The following AGAP1 variants were observed in gnomAD, a reference collection of about 807,000 sequenced individuals.
AGAP1 encodes ArfGAP with GTPase domain, ankyrin repeat and PH domain 1, also known as arf-GAP with GTPase, ANK repeat and PH domain-containing protein 1.
In AGAP1, 29 loss-of-function variants were observed where a neutral mutation model predicts 105.3. The ratio of observed to expected loss-of-function variants is 0.28; its 90% CI spans 0.21 to 0.38. The LOEUF is 0.38. Among genes scored for constraint, AGAP1 ranks in the 10% least tolerant of loss-of-function variants. The probability of loss-of-function intolerance (pLI) is 1.00; values close to 1 mark genes in which losing one functional copy is unlikely to be tolerated. For synonymous variants in AGAP1, 509 were observed against 485.9 expected, an observed-to-expected ratio of 1.05 and a Z score of -0.63; for missense variants, 998 against 1,165.1, an observed-to-expected ratio of 0.86 and a Z score of 2.09.
In AGAP1 at chr2:235,801,648, C is replaced by T. The variant is rs935724720; in HGVS notation, c.957+2126C>T. On this transcript the variant is annotated intron_variant, in intron 8 of 17. Transcript: ENST00000304032. The surrounding 1 kb of genome is among the most constrained non-coding windows in gnomAD (Gnocchi z 6.0). ...TGCTAGAACAGGCTGCACAGTGACT[C>T]GGTGGCTTGAGAAACCAATAGCCAA... Among the ~76,000 whole-genome samples the T allele has an allele frequency of 3.3e-5, 5 of 152,230 alleles. No individual in the cohort carries two copies. The highest frequency in any genetic ancestry group is 7.2e-5 in the African/African-American group (3 of 41,538).
rs571673435 is a variant in AGAP1 at position 235,633,377 on chromosome 2, T to A, written c.164-75802T>A. On this transcript the variant is annotated intron_variant, in intron 1 of 17. Coordinates refer to ENST00000304032, the MANE Select transcript of AGAP1 (RefSeq NM_001037131.3). The surrounding 1 kb of genome is among the most constrained non-coding windows in gnomAD (Gnocchi z 4.8). The stretch of plus-strand genomic sequence containing the variant: ...GGGAGGCCAAGGTGGGTGGATCACC[T>A]GAGGTCAGGAGTTCAAGACCAGTCT... Among the ~76,000 whole-genome samples the A allele has an allele frequency of 1.3e-5, 2 of 152,066 alleles. No homozygotes were observed. Among genetic ancestry groups the A allele is most frequent in the Non-Finnish European group, 2.9e-5 (2 of 68,012 alleles).
intron 9 of AGAP1, among the ~76,000 whole-genome samples, chr2:235,829,918 G>T (rs1029618681): frequency 1.3e-5 from 2 of 152,156 alleles, no homozygotes; most frequent in Non-Finnish European, 2.9e-5. Flanking sequence ...GACAGGCAGA[G>T]CTTCAGGAAG....
intron 9 of AGAP1, among the ~76,000 whole-genome samples, chr2:235,836,631 G>A (rs1308660801): frequency 6.6e-6 from 1 of 152,212 alleles, no homozygotes; most frequent in Non-Finnish European, 1.5e-5. Flanking sequence ...ATTTCAAACC[G>A]TGTTGATCTG....
intron 1 of AGAP1, among the ~76,000 whole-genome samples, chr2:235,604,070 G>T (rs1285370704): frequency 1.4e-5 from 2 of 138,274 alleles, no homozygotes; most frequent in African/African-American, 5.8e-5. Flanking sequence ...TAGTTTATTT[G>T]CTCATTTTTT....
chr2:235,916,477 A>ATTAGC (rs778324595), intron 11 of AGAP1, among the ~76,000 whole-genome samples: 4 of 152,258 alleles, frequency 2.6e-5, no homozygotes, highest in Non-Finnish European at 5.9e-5. Flanking sequence ...GCAGAGTTGT[A>ATTAGC]TTAGCTTCCA....
chr2:235,639,234 C>T lies in AGAP1; in HGVS notation c.164-69945C>T, dbSNP rs781722325. Among the ~76,000 whole-genome samples the T allele has an allele frequency of 6.6e-6, 1 of 151,980 alleles. No homozygotes were observed. The highest frequency in any genetic ancestry group is 1.5e-5 in the Non-Finnish European group (1 of 68,010). Reference sequence around the variant, plus strand: ...GCCATGCTGTTGTGAGTCTGTGGTTCCCAGGGAGCAGCTGAGTAGGCTGTT... The same window carrying T: ...GCCATGCTGTTGTGAGTCTGTGGTTTCCAGGGAGCAGCTGAGTAGGCTGTT... On this transcript the variant is annotated intron_variant, in intron 1 of 17. Transcript: ENST00000304032. The surrounding 1 kb of genome is among the most constrained non-coding windows in gnomAD (Gnocchi z 5.3).
chr2:235,934,820 G>A lies in AGAP1; in HGVS notation c.1483+3897G>A, dbSNP rs2052909878. Among the ~76,000 whole-genome samples, 1 of 152,112 alleles carries A rather than the reference G, an allele frequency of 6.6e-6. No individual in the cohort carries two copies. Among genetic ancestry groups the A allele is most frequent in the African/African-American group, 2.4e-5 (1 of 41,406 alleles). ...TACAGACGCCCGTGTTGGCAAGTGT[G>A]CCTTCCCATTGTTGTGCACTCTTAC... On this transcript the variant is annotated intron_variant, in intron 12 of 17. Coordinates refer to ENST00000304032, the MANE Select transcript of AGAP1 (RefSeq NM_001037131.3). This position sits in a 1 kb window ranked among gnomAD's most constrained non-coding sequence, Gnocchi z 4.9.
intron 6 of AGAP1, among the ~76,000 whole-genome samples, chr2:235,761,554 C>T (rs186113375): frequency 3.3e-5 from 5 of 152,180 alleles, no homozygotes; most frequent in South Asian, 2.1e-4. Flanking sequence ...CTTGAATTAG[C>T]GTGATGTATC....
intron 6 of AGAP1, among the ~76,000 whole-genome samples, chr2:235,796,304 A>G (rs1399670483): frequency 6.6e-6 from 1 of 152,250 alleles, no homozygotes; most frequent in African/African-American, 2.4e-5. Flanking sequence ...CTTAGATTTT[A>G]TTTTTGAGTT....
chr2:236,109,424 TA>T lies in AGAP1; in HGVS notation c.2115-10767del, dbSNP rs2059587347. ...TATTCATCTTTGTAATTATTATAAA[TA>T]TTTATAATAATAAATTATAGATAGT... On this transcript the variant is annotated intron_variant, in intron 16 of 17. Transcript: ENST00000304032. The surrounding 1 kb of genome is among the most constrained non-coding windows in gnomAD (Gnocchi z 5.4). Among the ~76,000 whole-genome samples the T allele has an allele frequency of 6.6e-6, 1 of 152,032 alleles. No homozygotes were observed. The highest frequency in any genetic ancestry group is 2.1e-4 in the South Asian group (1 of 4,828).
intron 9 of AGAP1, among the ~76,000 whole-genome samples, chr2:235,821,382 ATTTTTTTTT>A (rs200107062): frequency 3.7e-5 from 5 of 133,818 alleles, no homozygotes; most frequent in African/African-American, 1.4e-4. Context: ...CAGAACTTCA[ATTTTTTTTT>A]TTTTTTTTTT....
Position 235,807,291 on chromosome 2 carries a change from C to T in AGAP1, c.1010C>T (p.Ala337Val), listed in dbSNP as rs1024327166. The change falls in exon 9 of 18, where the codon GCG (alanine) becomes GTG (valine). Residue 337 changes from alanine to valine, a missense_variant. Around this residue, in one of 3 missense-constraint regions of AGAP1, gnomAD observed 735 missense variants for 833.4 expected, o/e 0.88. Transcript: ENST00000304032. ...DKEKKGLESR[A>V]DSIGSGRAIP... is the part of the protein sequence containing the mutation. ...GAGAAGAAAGGCCTGGAGAGTCGTGCGGACAGCATTGGGAGCGGCCGAGCC... is the reference window on the plus strand; with the variant it reads ...GAGAAGAAAGGCCTGGAGAGTCGTGTGGACAGCATTGGGAGCGGCCGAGCC... The T allele has an allele frequency of 3.1e-6, 5 of 1,604,928 alleles. No individual in the cohort carries two copies. The highest frequency in any genetic ancestry group is 1.4e-5 in the African/African-American group (1 of 73,936).
chr2:235,838,021 A>G (rs1408724156), intron 9 of AGAP1, among the ~76,000 whole-genome samples: 1 of 152,168 alleles, frequency 6.6e-6, no homozygotes, highest in Non-Finnish European at 1.5e-5. Context: ...CATCTTTACT[A>G]AAAACACAAA....
At chr2:235,573,105 C>CT (rs537991080) in intron 1 of AGAP1, among the ~76,000 whole-genome samples, 1,117 of 94,936 alleles carry the variant, frequency 0.012, 106 homozygotes, top group African/African-American at 0.032. Context: ...CTTCTTCTTC[C>CT]TTTTTTTTTT....
chr2:235,783,083 T>C (rs1344528090), intron 6 of AGAP1, among the ~76,000 whole-genome samples: 3 of 151,582 alleles, frequency 2.0e-5, no homozygotes, highest in African/African-American at 4.8e-5. Flanking sequence ...TGGTCAGTGA[T>C]TGACACTTGT....
In AGAP1 at chr2:236,056,198, C is replaced by A. The variant is rs2058047609; in HGVS notation, c.2114+6917C>A. On this transcript the variant is annotated intron_variant, in intron 16 of 17. Transcript: ENST00000304032. This position sits in a 1 kb window ranked among gnomAD's most constrained non-coding sequence, Gnocchi z 4.6. ...GCTTTTTCAAGGATAACTATACTTG[C>A]ATTTGCCTTTGAACCAGACAGACAG... 6.6e-6 allele frequency among the ~76,000 whole-genome samples: 1 copy of A among 152,172 alleles called. No homozygotes were observed. The highest frequency in any genetic ancestry group is 2.4e-5 in the African/African-American group (1 of 41,438).
rs1164357787 is a variant in AGAP1, at chr2:235,931,987, G to A, written c.1483+1064G>A. On this transcript the variant is annotated intron_variant, in intron 12 of 17. Coordinates refer to ENST00000304032, the MANE Select transcript of AGAP1 (RefSeq NM_001037131.3). This position sits in a 1 kb window ranked among gnomAD's most constrained non-coding sequence, Gnocchi z 5.6. The stretch of plus-strand genomic sequence containing the variant: ...GGGCTTGCTCCTTCCCTCAAAAGAA[G>A]GTGCTTTGTTAGATAGCAAAGATCT... Among the ~76,000 whole-genome samples, 1 of 152,154 alleles carries A rather than the reference G, an allele frequency of 6.6e-6. No homozygotes were observed. The highest frequency in any genetic ancestry group is 1.5e-5 in the Non-Finnish European group (1 of 68,028).
intron 13 of AGAP1, among the ~76,000 whole-genome samples, chr2:236,026,006 C>T (rs1488058738): frequency 6.6e-6 from 1 of 152,278 alleles, no homozygotes; most frequent in Middle Eastern, 3.4e-3. Flanking sequence ...GCACCAGGCT[C>T]CCTGCCACCT....
intron 6 of AGAP1, among the ~76,000 whole-genome samples, chr2:235,759,460 C>G (rs551389070): frequency 6.6e-6 from 1 of 152,018 alleles, no homozygotes; most frequent in Non-Finnish European, 1.5e-5. Flanking sequence ...TGAGCCACCG[C>G]GCCCGGCCCT....
Sources: allele counts gnomAD v4.1 joint callset (sites outside exome capture counted in the v4.1 genomes callset), GRCh38; gene constraint gnomAD v4.1.1; regional missense constraint gnomAD v4.1.1; non-coding constraint Gnocchi (gnomAD v3.1); transcripts MANE v1.5; gene names NCBI Gene and HGNC (gene_info 2026-07-23, HGNC 2026-07-21).